Variants in LRRTM4 observed in about 807,000 individuals in gnomAD.
LRRTM4 encodes leucine rich repeat transmembrane neuronal 4, also known as leucine-rich repeat transmembrane neuronal protein 4.
Under a neutral mutation model 47.6 loss-of-function variants are expected in LRRTM4, and 25 were observed. That is an observed-to-expected ratio of 0.53 (90% CI 0.38 to 0.73). LRRTM4 has a LOEUF of 0.73. LRRTM4 is among the 30% of genes least tolerant of loss of function. The pLI, the probability that LRRTM4 is intolerant of heterozygous loss-of-function variation, is 0.00. For synonymous variants in LRRTM4, 311 were observed against 269.5 expected (o/e 1.15, Z -1.51); for missense variants, 638 against 713.4 (o/e 0.89, Z 1.20).
chr2:76,983,779 T>C (rs1676694716), intron 3 of LRRTM4, among the ~76,000 whole-genome samples: 1 of 152,076 alleles, frequency 6.6e-6, no homozygotes, highest in African/African-American at 2.4e-5. Context: ...ACTTTGTAAA[T>C]CTTTTCAGTG....
At chr2:76,795,225 AAAAGTGTG>A (rs1218829809) in intron 3 of LRRTM4, among the ~76,000 whole-genome samples, 4,361 of 152,266 alleles carry the variant, frequency 0.029, no homozygotes, top group African/African-American at 0.086. Context: ...TAAATTAATG[AAAAGTGTG>A]TTTTGTACTT....
At chr2:77,299,088 C>A (rs1414625057) in intron 3 of LRRTM4, among the ~76,000 whole-genome samples, 1 of 151,988 alleles carries the variant, frequency 6.6e-6, no homozygotes, top group African/African-American at 2.4e-5. Context: ...AGGGAGATTC[C>A]TTTCTGACCA....
chr2:76,827,690 T>A (rs901047590), intron 3 of LRRTM4, among the ~76,000 whole-genome samples: 1 of 151,920 alleles, frequency 6.6e-6, no homozygotes, highest in Admixed American at 6.6e-5. Flanking sequence ...TAAATTGTGT[T>A]TAAGGTCAAT....
intron 3 of LRRTM4, among the ~76,000 whole-genome samples, chr2:77,176,437 G>A (rs1673200237): frequency 6.6e-6 from 1 of 152,202 alleles, no homozygotes; most frequent in Non-Finnish European, 1.5e-5. Context: ...ACCAGGACAA[G>A]CTCATCATCT....
chr2:77,270,034 A>G (rs1427023445), intron 3 of LRRTM4, among the ~76,000 whole-genome samples: 1 of 152,234 alleles, frequency 6.6e-6, no homozygotes, highest in African/African-American at 2.4e-5. Flanking sequence ...AGCCATAGGC[A>G]TGCACTAAAG....
rs140660397 is a variant in LRRTM4 at position 76,781,941 on chromosome 2, A to T, written c.1552-33025T>A. Among the ~76,000 whole-genome samples, 4 of 152,258 alleles carry T rather than the reference A, an allele frequency of 2.6e-5. No individual in the cohort carries two copies. In the East Asian group the frequency reaches 7.7e-4, roughly 29 times the overall value. ...ATCATCAGAAGCTGCTTCTGCTGTT[A>T]TATTATCTTGACATTTTTTTAAAGC... On this transcript the variant is annotated intron_variant, in intron 3 of 3. Coordinates refer to ENST00000409884, the MANE Select transcript of LRRTM4 (RefSeq NM_001134745.3).
At chr2:77,520,969 T>G (rs555893042) in intron 2 of LRRTM4, among the ~76,000 whole-genome samples, 1 of 152,156 alleles carries the variant, frequency 6.6e-6, no homozygotes, top group South Asian at 2.1e-4. Context: ...ATTTTTAAAT[T>G]TTTAACCAAG....
chr2:76,982,361 T>G (rs1238713672), intron 3 of LRRTM4, among the ~76,000 whole-genome samples: 1 of 152,092 alleles, frequency 6.6e-6, no homozygotes, highest in East Asian at 1.9e-4. Context: ...GACAAAAATA[T>G]TTAACCCTGT....
At chr2:77,465,958 G>A (rs894306604) in intron 3 of LRRTM4, among the ~76,000 whole-genome samples, 2 of 152,078 alleles carry the variant, frequency 1.3e-5, no homozygotes, top group Non-Finnish European at 2.9e-5. Context: ...AATATGGACT[G>A]TTTTTCCTTT....
chr2:77,500,488 A>G (rs1454085067), intron 3 of LRRTM4, among the ~76,000 whole-genome samples: 1 of 150,654 alleles, frequency 6.6e-6, no homozygotes, highest in Non-Finnish European at 1.5e-5. Context: ...ATCAGAAAAT[A>G]TTTAAAAAGA....
At position 77,397,807 on chromosome 2, in the gene LRRTM4, C is replaced by T. The variant is rs114087184; in HGVS notation, c.1551+120511G>A. The stretch of plus-strand genomic sequence containing the variant: ...CTTGAGTATAATTTGGTTTTCCACA[C>T]CCCTTGATAATAGGGAGACTCTGCA... On this transcript the variant is annotated intron_variant, in intron 3 of 3. Transcript: ENST00000409884. Among the ~76,000 whole-genome samples the T allele has an allele frequency of 4.8e-3, 727 of 151,978 alleles. 11 individuals carry two copies. Among genetic ancestry groups the T allele is most frequent in the African/African-American group, 0.017 (696 of 41,510 alleles).
intron 3 of LRRTM4, among the ~76,000 whole-genome samples, chr2:77,049,383 C>T (rs1004727024): frequency 6.6e-6 from 1 of 151,640 alleles, no homozygotes; most frequent in African/African-American, 2.4e-5. Context: ...ATACTGCTTT[C>T]TATAATGGCT....
chr2:77,343,831 G>C (rs778232758), intron 3 of LRRTM4, among the ~76,000 whole-genome samples: 17 of 151,816 alleles, frequency 1.1e-4, no homozygotes, highest in Non-Finnish European at 2.1e-4. Flanking sequence ...CAGGTGGTCA[G>C]GGACAGCTTC....
chr2:77,240,484 C>T (rs1675228060), intron 3 of LRRTM4, among the ~76,000 whole-genome samples: 1 of 151,900 alleles, frequency 6.6e-6, no homozygotes, highest in South Asian at 2.1e-4. Flanking sequence ...ACTAACATAC[C>T]TAAGAGTGAA....
intron 3 of LRRTM4, among the ~76,000 whole-genome samples, chr2:76,889,641 A>G (rs1195009629): frequency 2.0e-5 from 3 of 152,014 alleles, no homozygotes; most frequent in Non-Finnish European, 4.4e-5. Flanking sequence ...AAGTTAACTG[A>G]TGATCCAATT....
chr2:77,228,449 T>C (rs1214440132), intron 3 of LRRTM4, among the ~76,000 whole-genome samples: 2 of 152,132 alleles, frequency 1.3e-5, no homozygotes. Flanking sequence ...TAAGCTCCAG[T>C]GAATGAGGCA....
intron 3 of LRRTM4, among the ~76,000 whole-genome samples, chr2:76,837,776 G>T (rs1021413933): frequency 6.6e-6 from 1 of 152,146 alleles, no homozygotes; most frequent in African/African-American, 2.4e-5. Flanking sequence ...ATGAGTTCAT[G>T]TCCTTTGTAG....
intron 3 of LRRTM4, among the ~76,000 whole-genome samples, chr2:76,797,601 A>G (rs1675412025): frequency 6.6e-6 from 1 of 151,778 alleles, no homozygotes; most frequent in South Asian, 2.1e-4. Flanking sequence ...ACAGGATCAA[A>G]TTCACACATA....
chr2:77,034,434 CATAA>C (rs1213819665), intron 3 of LRRTM4, among the ~76,000 whole-genome samples: 8 of 151,968 alleles, frequency 5.3e-5, no homozygotes, highest in African/African-American at 1.7e-4. Context: ...CATTCCTAGA[CATAA>C]ATAGTTTAAT....
Sources: allele counts gnomAD v4.1 joint callset (sites outside exome capture counted in the v4.1 genomes callset), GRCh38; gene constraint gnomAD v4.1.1; transcripts MANE v1.5; gene names NCBI Gene and HGNC (gene_info 2026-07-23, HGNC 2026-07-21).